Variants in DIP2C observed in about 807,000 individuals in gnomAD.
The protein encoded by DIP2C is disco-interacting protein 2 homolog C.
DIP2C carries 33 observed loss-of-function variants against 192.4 expected under a neutral mutation model. The observed-to-expected ratio is 0.17, with a 90% CI of 0.13 to 0.23. The LOEUF is 0.23. Among genes scored for constraint, DIP2C ranks in the 10% least tolerant of loss-of-function variants. The pLI is 1.00. For missense variants in DIP2C, 1,537 were observed against 2,110.1 expected, an observed-to-expected ratio of 0.73 and a Z score of 5.32; for synonymous variants, 979 against 864.1, an observed-to-expected ratio of 1.13 and a Z score of -2.33.
intron 32 of DIP2C, among the ~76,000 whole-genome samples, chr10:293,869 G>A (rs1236717520): frequency 2.0e-5 from 3 of 152,130 alleles, no homozygotes; most frequent in Non-Finnish European, 2.9e-5. Flanking sequence ...TGCATGAGAC[G>A]GCCCACGGTG....
chr10:387,478 G>GACAGGCA (rs922349956), intron 14 of DIP2C, among the ~76,000 whole-genome samples: 2 of 148,876 alleles, frequency 1.3e-5, no homozygotes, highest in Admixed American at 1.3e-4. Context: ...CTCCTGTGTG[G>GACAGGCA]ACAGGCAGTG....
At chr10:339,310 T>C (rs992957264) in intron 29 of DIP2C, among the ~76,000 whole-genome samples, 1 of 152,222 alleles carries the variant, frequency 6.6e-6, no homozygotes, top group South Asian at 2.1e-4. Context: ...GGAAGATTCA[T>C]GGCTATATTT....
At chr10:620,090 G>C (rs887071870) in intron 1 of DIP2C, among the ~76,000 whole-genome samples, 2 of 152,212 alleles carry the variant, frequency 1.3e-5, no homozygotes, top group Non-Finnish European at 2.9e-5. Context: ...ATTGCGATCA[G>C]GGTCACATGT....
Position 410,238 on chromosome 10 carries a change from A to G in DIP2C, c.1058-1221T>C, listed in dbSNP as rs181368686. 1.8e-4 allele frequency among the ~76,000 whole-genome samples: 28 copies of G among 152,336 alleles called. No individual in the cohort carries two copies. The East Asian group carries it at 5.4e-3, about 29-fold the overall frequency. Reference sequence around the variant, plus strand: ...ATCTTTGATTGTTCTGGTTCCTAGGACACTTCCCGGTCATACTACGTGCTC... The same window carrying G: ...ATCTTTGATTGTTCTGGTTCCTAGGGCACTTCCCGGTCATACTACGTGCTC... On this transcript the variant is annotated intron_variant, in intron 8 of 36. Coordinates refer to ENST00000280886, the MANE Select transcript of DIP2C (RefSeq NM_014974.3).
intron 1 of DIP2C, among the ~76,000 whole-genome samples, chr10:504,361 C>T (rs527806503): frequency 6.6e-6 from 1 of 152,258 alleles, no homozygotes; most frequent in Non-Finnish European, 1.5e-5. Context: ...GCTGGCCACC[C>T]GCTGATACCC....
chr10:496,076 G>A (rs1017458425), intron 1 of DIP2C, among the ~76,000 whole-genome samples: 1 of 140,122 alleles, frequency 7.1e-6, no homozygotes, highest in African/African-American at 2.5e-5. Context: ...CTTGAGTGCT[G>A]AGTACACAGA....
intron 3 of DIP2C, among the ~76,000 whole-genome samples, chr10:471,885 TA>T (rs1970657678): frequency 6.6e-6 from 1 of 152,142 alleles, no homozygotes; most frequent in Non-Finnish European, 1.5e-5. Flanking sequence ...GATGAGTAGC[TA>T]GGACTACAGG....
chr10:379,533 C>T (rs1013529289), intron 17 of DIP2C, among the ~76,000 whole-genome samples: 5 of 152,164 alleles, frequency 3.3e-5, no homozygotes, highest in African/African-American at 1.2e-4. Flanking sequence ...GCCCAGATGT[C>T]CATGCTTGGC....
intron 1 of DIP2C, among the ~76,000 whole-genome samples, chr10:511,888 C>A (rs920721475): frequency 1.3e-5 from 2 of 152,242 alleles, no homozygotes; most frequent in Non-Finnish European, 2.9e-5. Context: ...CACGATAACA[C>A]CGTGTATATC....
chr10:572,909 C>T (rs1751860012), intron 1 of DIP2C, among the ~76,000 whole-genome samples: 1 of 152,154 alleles, frequency 6.6e-6, no homozygotes, highest in African/African-American at 2.4e-5. Flanking sequence ...CGGAAGATTG[C>T]CATCTCGCAG....
chr10:620,891 A>G (rs558106675), intron 1 of DIP2C, among the ~76,000 whole-genome samples: 3 of 152,366 alleles, frequency 2.0e-5, no homozygotes, highest in African/African-American at 4.8e-5. Flanking sequence ...ATTTTATAGT[A>G]ACTAAATCTG....
chr10:473,031 T>G (rs986351708), intron 2 of DIP2C, among the ~76,000 whole-genome samples: 1 of 151,842 alleles, frequency 6.6e-6, no homozygotes, highest in South Asian at 2.1e-4. Context: ...GGACATACCA[T>G]GAACGTCCAG....
intron 4 of DIP2C, among the ~76,000 whole-genome samples, 194 bp from the exon 5 acceptor site, chr10:423,227 A>T (rs1384109185): frequency 2.6e-5 from 4 of 152,252 alleles, no homozygotes; most frequent in Admixed American, 1.3e-4. Flanking sequence ...TTTTTCATCC[A>T]ACACACCTTA....
At chr10:592,266 G>A (rs185425634) in intron 1 of DIP2C, among the ~76,000 whole-genome samples, 26 of 152,274 alleles carry the variant, frequency 1.7e-4, no homozygotes, top group Admixed American at 1.6e-3. Context: ...TCTGTGTATT[G>A]GTAACAAGGC....
At chr10:674,775 T>A (rs1337970291) in intron 1 of DIP2C, among the ~76,000 whole-genome samples, 6 of 95,000 alleles carry the variant, frequency 6.3e-5, no homozygotes, top group African/African-American at 3.2e-4. Context: ...ATCTCAAATA[T>A]ATATATATAT....
chr10:415,387 A>AGAGGCAGCAGGAGGAGGGAG (rs1965560130), intron 7 of DIP2C, among the ~76,000 whole-genome samples: 1 of 152,222 alleles, frequency 6.6e-6, no homozygotes. Flanking sequence ...ACCTATAAGG[A>AGAGGCAGCAGGAGGAGGGAG]GAGGCAGCAG....
chr10:574,381 A>G (rs1282423305), intron 1 of DIP2C, among the ~76,000 whole-genome samples: 3 of 152,250 alleles, frequency 2.0e-5, no homozygotes, highest in Non-Finnish European at 4.4e-5. Context: ...AATACAAATG[A>G]TAAAGTAGAA....
intron 32 of DIP2C, among the ~76,000 whole-genome samples, chr10:291,002 C>T (rs552327917): frequency 6.6e-6 from 1 of 152,340 alleles, no homozygotes; most frequent in Non-Finnish European, 1.5e-5. Flanking sequence ...TGGGCAAATG[C>T]CCCAGGGCTC....
At chr10:285,380 A>AG (rs1414336081) in intron 34 of DIP2C, among the ~76,000 whole-genome samples, 5 of 152,126 alleles carry the variant, frequency 3.3e-5, no homozygotes, top group South Asian at 2.1e-4. Context: ...CCATTCAGGA[A>AG]GGGGGGCGCC....
Sources: gnomAD v4.1 joint callset for allele counts (sites outside exome capture counted in the v4.1 genomes callset) on GRCh38, gnomAD v4.1.1 for gene constraint, MANE v1.5 for transcripts, NCBI Gene and HGNC (gene_info 2026-07-23, HGNC 2026-07-21) for gene names.